Variants in CRBN observed in about 807,000 individuals in gnomAD.
CRBN encodes cereblon.
Under a neutral mutation model 62.2 loss-of-function variants are expected in CRBN, and 53 were observed. That is an observed-to-expected ratio of 0.85 (90% CI 0.68 to 1.07). The LOEUF (loss-of-function observed/expected upper bound fraction) is 1.07, where lower values mean the gene tolerates loss of function less well. Ranked by LOEUF, CRBN falls within the 50% of genes least tolerant of loss-of-function variation. The probability of loss-of-function intolerance (pLI) is 0.00; values close to 1 mark genes in which losing one functional copy is unlikely to be tolerated. For synonymous variants in CRBN, 208 were observed against 176.1 expected (o/e 1.18, Z -1.43); for missense variants, 616 against 531.1 (o/e 1.16, Z -1.57).
chr3:3,160,709 G>A (rs768675793), intron 5 of CRBN, among the ~76,000 whole-genome samples: 2 of 152,210 alleles, frequency 1.3e-5, no homozygotes, highest in Non-Finnish European at 2.9e-5. Flanking sequence ...GGTAGTCACT[G>A]AAAAGCTTGA....
intron 4 of CRBN, among the ~76,000 whole-genome samples, chr3:3,170,729 C>A (rs1279348472): frequency 1.3e-5 from 2 of 152,196 alleles, no homozygotes; most frequent in Non-Finnish European, 2.9e-5. Context: ...TTATGAGAGG[C>A]CTTAATAATG....
chr3:3,154,201 AAAC>A (rs1706773258), intron 7 of CRBN, 126 bp from the exon 8 acceptor site: 3 of 669,816 alleles, frequency 4.5e-6, no homozygotes, highest in Non-Finnish European at 8.1e-6. Context: ...ATACAAGTAT[AAAC>A]AATACAAAAA....
chr3:3,166,665 G>C (rs1164659437), intron 5 of CRBN, among the ~76,000 whole-genome samples: 2 of 152,062 alleles, frequency 1.3e-5, no homozygotes, highest in Non-Finnish European at 2.9e-5. Flanking sequence ...TAAAGACCAG[G>C]AAGTCTTATA....
chr3:3,172,678 G>C, intron 4 of CRBN, 98 bp downstream of exon 4: 1 of 1,302,126 alleles, frequency 7.7e-7, no homozygotes, highest in Admixed American at 1.7e-5. Flanking sequence ...CTAGTTAAAA[G>C]TTACAAAATA....
At chr3:3,171,138 T>C (rs186118478) in intron 4 of CRBN, among the ~76,000 whole-genome samples, 30 of 152,276 alleles carry the variant, frequency 2.0e-4, no homozygotes, top group African/African-American at 3.1e-4. Context: ...AAAAATCCAT[T>C]CCTTGTCTTG....
At chr3:3,151,567 TTAAGA>T (rs1438196928) in intron 10 of CRBN, among the ~76,000 whole-genome samples, 1 of 152,108 alleles carries the variant, frequency 6.6e-6, no homozygotes, top group Admixed American at 6.6e-5. Flanking sequence ...TATTTTGTTC[TTAAGA>T]TAAACCATGT....
At chr3:3,152,082 A>ATGAT in intron 10 of CRBN, among the ~76,000 whole-genome samples, 1 of 152,274 alleles carries the variant, frequency 6.6e-6, no homozygotes, top group South Asian at 2.1e-4. Context: ...CTTTCATTCA[A>ATGAT]TGATAAAAGA....
chr3:3,158,897 C>T (rs527593861), intron 5 of CRBN, among the ~76,000 whole-genome samples: 46 of 152,120 alleles, frequency 3.0e-4, no homozygotes, highest in Non-Finnish European at 5.3e-4. Context: ...CCCCATGTGT[C>T]GTGGGAGGGA....
intron 3 of CRBN, 86 bp downstream of exon 3, chr3:3,173,973 A>G (rs1707728095): frequency 8.5e-7 from 1 of 1,182,498 alleles, no homozygotes; most frequent in Non-Finnish European, 1.3e-6. Context: ...TACATGCGAA[A>G]TAACAGCCTG....
At chr3:3,177,125 A>G (rs1457836620) in intron 1 of CRBN, among the ~76,000 whole-genome samples, 1 of 150,636 alleles carries the variant, frequency 6.6e-6, no homozygotes, top group Admixed American at 6.7e-5. Flanking sequence ...TCTCCAGCCC[A>G]AAAGTCCAGT....
chr3:3,162,733 C>G (rs995209850), intron 5 of CRBN, among the ~76,000 whole-genome samples: 1 of 152,144 alleles, frequency 6.6e-6, no homozygotes, highest in African/African-American at 2.4e-5. Flanking sequence ...GCGCGGCAAC[C>G]TTATTAGCTT....
chr3:3,174,572 T>TG (rs1707754707), intron 2 of CRBN, among the ~76,000 whole-genome samples: 1 of 151,908 alleles, frequency 6.6e-6, no homozygotes, highest in Non-Finnish European at 1.5e-5. Flanking sequence ...ACCTGGAAGG[T>TG]GGAGGCTGCA....
intron 5 of CRBN, among the ~76,000 whole-genome samples, chr3:3,161,538 G>A (rs983465959): frequency 3.3e-5 from 5 of 152,064 alleles, no homozygotes; most frequent in African/African-American, 4.8e-5. Context: ...ACAGGCACCC[G>A]CCACCATGCC....
chr3:3,154,952 C>G (rs1706817258), intron 6 of CRBN, 121 bp from the exon 7 acceptor site: 1 of 696,932 alleles, frequency 1.4e-6, no homozygotes, highest in South Asian at 1.5e-5. Flanking sequence ...CATCTCAGTC[C>G]CAGTTTAAAT....
At chr3:3,173,677 G>C (rs1707719045) in intron 3 of CRBN, among the ~76,000 whole-genome samples, 1 of 152,186 alleles carries the variant, frequency 6.6e-6, no homozygotes, top group South Asian at 2.1e-4. Flanking sequence ...AATTTTGAGA[G>C]AGAGGGAAAG....
chr3:3,155,612 G>A (rs1028854957), intron 6 of CRBN: 1 of 153,206 alleles, frequency 6.5e-6, no homozygotes, highest in Non-Finnish European at 1.5e-5. Context: ...GCAATGCCTA[G>A]TGTTAAACTT....
At chr3:3,158,855 C>G (rs1157719824) in intron 5 of CRBN, among the ~76,000 whole-genome samples, 2 of 152,152 alleles carry the variant, frequency 1.3e-5, no homozygotes, top group African/African-American at 4.8e-5. Flanking sequence ...TGTCCCCACC[C>G]AAATCTCATC....
chr3:3,162,539 T>C (rs1559249005), intron 5 of CRBN, among the ~76,000 whole-genome samples: 1 of 152,226 alleles, frequency 6.6e-6, no homozygotes, highest in Non-Finnish European at 1.5e-5. Flanking sequence ...TCTTCTCTAA[T>C]GCTTCCTTGT....
Position 3,159,818 on chromosome 3 carries a change from CAAATTTA to C in CRBN, c.688-3544_688-3538del, listed in dbSNP as rs199635622. 3.1e-3 allele frequency among the ~76,000 whole-genome samples: 476 copies of C among 152,290 alleles called. 1 individual carries two copies. The highest frequency in any genetic ancestry group is 0.011 in the African/African-American group (445 of 41,566). The stretch of plus-strand genomic sequence containing the variant: ...AAAGTTTAAGACATTTCAACATCCT[CAAATTTA>C]AGAGTCCCATTTAGCTTTCTGGCAC... On this transcript the variant is annotated intron_variant, in intron 5 of 10. Transcript: ENST00000231948.
Sources: allele counts gnomAD v4.1 joint callset (sites outside exome capture counted in the v4.1 genomes callset), GRCh38; gene constraint gnomAD v4.1.1; transcripts MANE v1.5; gene names NCBI Gene and HGNC (gene_info 2026-07-23, HGNC 2026-07-21).